Variants in MAOA observed in about 807,000 individuals in gnomAD.
MAOA encodes the protein amine oxidase [flavin-containing] A.
In MAOA, 6 loss-of-function variants were observed where a neutral mutation model predicts 42.0. That is an observed-to-expected ratio of 0.14 (90% CI 0.08 to 0.28). MAOA has a LOEUF of 0.28. Ranked by LOEUF, MAOA falls within the 10% of genes least tolerant of loss-of-function variation. MAOA has a pLI of 1.00. For synonymous variants in MAOA, 140 were observed against 154.0 expected (o/e 0.91, Z 0.67); for missense variants, 262 against 422.3 (o/e 0.62, Z 3.33).
chrX:43,730,814 C>T (rs1236394987), intron 6 of MAOA, among the ~76,000 whole-genome samples: 3 of 110,862 alleles, frequency 2.7e-5, no homozygotes, highest in Non-Finnish European at 5.7e-5. Context: ...CCTTACCTGC[C>T]TGGACAACCT....
intron 6 of MAOA, among the ~76,000 whole-genome samples, chrX:43,728,655 T>TAA (rs1443514107): frequency 8.9e-6 from 1 of 112,642 alleles, no homozygotes; most frequent in Non-Finnish European, 1.9e-5. Flanking sequence ...TTATTGTACT[T>TAA]AAAATCATCT....
In MAOA at chrX:43,678,739, G is replaced by A. The variant is rs779605464; in HGVS notation, c.74-4774G>A. Among the ~76,000 whole-genome samples, 188 of 111,710 alleles carry A rather than the reference G, an allele frequency of 1.7e-3. 2 individuals are homozygous for A. Among genetic ancestry groups the A allele is most frequent in the African/African-American group, 6.0e-3 (186 of 30,770 alleles). ...ATCTTAAAGTAGGAATAATTTTTAG[G>A]TTTTGCCATTCAAATCAGCAGATAG... On this transcript the variant is annotated intron_variant, in intron 1 of 14. Coordinates refer to ENST00000338702, the MANE Select transcript of MAOA (RefSeq NM_000240.4).
chrX:43,672,930 A>C (rs1224077458), intron 1 of MAOA, among the ~76,000 whole-genome samples: 1 of 111,306 alleles, frequency 9.0e-6, no homozygotes, highest in Non-Finnish European at 1.9e-5. Flanking sequence ...CCCGGCTTTG[A>C]TATCAGGATG....
chrX:43,656,499 G>A (rs1441143544), intron 1 of MAOA, 85 bp downstream of exon 1: 3 of 862,017 alleles, frequency 3.5e-6, no homozygotes, highest in East Asian at 6.3e-5. Context: ...GGTGTTTGGG[G>A]GTCTCTCATG....
Position 43,728,311 on chromosome X carries a change from C to G in MAOA, c.642C>G (p.Gly214=), listed in dbSNP as rs746443900. The G allele has an allele frequency of 3.3e-6, 4 of 1,209,272 alleles. No individual in the cohort carries two copies. The African/African-American group carries it at 7.0e-5, about 21-fold the overall frequency. ...GGATATTCTCTGTCACCAATGGTGG[C>G]CAGGTATGGTGTGTATGTGTCTGTT... ...TTRIFSVTNG[G]QERKFVGGSG... Residue 214 remains glycine, a synonymous_variant, in exon 6 of 15, where the codon GGC becomes GGG. Coordinates refer to ENST00000338702, the MANE Select transcript of MAOA (RefSeq NM_000240.4).
rs184996300 is a variant in MAOA at position 43,710,406 on chromosome X, C to T, written c.307-1466C>T. On this transcript the variant is annotated intron_variant, in intron 3 of 14. Coordinates refer to ENST00000338702, the MANE Select transcript of MAOA (RefSeq NM_000240.4). ...TGTCACTTAATGGCTGCCATATATT[C>T]TTACTCAGTTAGGAGGTGTGCTTAC... Among the ~76,000 whole-genome samples, 7 of 112,589 alleles carry T rather than the reference C, an allele frequency of 6.2e-5. No individual in the cohort carries two copies. In the East Asian group the frequency reaches 1.7e-3, roughly 27 times the overall value.
chrX:43,693,572 GTTTTCTTTTTTCT>G, intron 3 of MAOA, 144 bp downstream of exon 3: 3 of 655,327 alleles, frequency 4.6e-6, no homozygotes, highest in Admixed American at 6.3e-5. Context: ...TTCTTTTCTT[GTTTTCTTTTTTCT>G]TTTTCTTTTG....
chrX:43,669,489 A>C (rs748721447), intron 1 of MAOA, among the ~76,000 whole-genome samples: 56 of 111,408 alleles, frequency 5.0e-4, no homozygotes, highest in African/African-American at 1.8e-3. Flanking sequence ...TCTTTCATTC[A>C]TTTATTCATT....
At chrX:43,689,977 A>T (rs753208920) in intron 2 of MAOA, among the ~76,000 whole-genome samples, 4 of 109,519 alleles carry the variant, frequency 3.7e-5, no homozygotes, top group African/African-American at 1.3e-4. Flanking sequence ...CTAATTGTTG[A>T]TTTTTTTCAG....
intron 4 of MAOA, 24 bp downstream of exon 4, chrX:43,712,000 C>A: frequency 9.8e-7 from 1 of 1,022,628 alleles, no homozygotes; most frequent in Non-Finnish European, 1.4e-6. Flanking sequence ...TCAGTTTGCA[C>A]ATGACCCATT....
rs191209978 is a variant in MAOA, at chrX:43,688,650, G to T, written c.169-4641G>T. 1.6e-3 allele frequency among the ~76,000 whole-genome samples: 180 copies of T among 111,865 alleles called. 2 individuals carry two copies. The highest frequency in any genetic ancestry group is 5.8e-3 in the African/African-American group (178 of 30,801). Reference sequence around the variant, plus strand: ...AATATCCAAAGATCTTCTAATTTCTGCTTGAAAAGAACATGTAGTCTCTAA... The same window carrying T: ...AATATCCAAAGATCTTCTAATTTCTTCTTGAAAAGAACATGTAGTCTCTAA... On this transcript the variant is annotated intron_variant, in intron 2 of 14. Coordinates refer to ENST00000338702, the MANE Select transcript of MAOA (RefSeq NM_000240.4).
At chrX:43,694,490 A>G (rs1195724403) in intron 3 of MAOA, among the ~76,000 whole-genome samples, 1 of 111,943 alleles carries the variant, frequency 8.9e-6, no homozygotes, top group Non-Finnish European at 1.9e-5. Flanking sequence ...TTTTCTTTTT[A>G]CCTTTAAGCT....
intron 3 of MAOA, among the ~76,000 whole-genome samples, chrX:43,703,014 C>G (rs779312188): frequency 1.1e-4 from 12 of 110,396 alleles, no homozygotes; most frequent in Non-Finnish European, 1.9e-4. Flanking sequence ...GAGCATCCAC[C>G]AGTCGAGTAG....
intron 5 of MAOA, among the ~76,000 whole-genome samples, chrX:43,714,357 C>T (rs1201611104): frequency 2.7e-5 from 3 of 110,478 alleles, no homozygotes; most frequent in South Asian, 3.9e-4. Context: ...AGGTATGATC[C>T]ACAGGTTCAG....
In MAOA at chrX:43,718,794, C is replaced by T. The variant is rs137922293; in HGVS notation, c.503+5998C>T. Among the ~76,000 whole-genome samples, 214 of 110,746 alleles carry T rather than the reference C, an allele frequency of 1.9e-3. 1 individual carries two copies. Among genetic ancestry groups the T allele is most frequent in the Middle Eastern group, 0.014 (3 of 216 alleles). ...GATGGTACCGCCCAGGAATGGTCCA[C>T]AGGAGCTAGGGGATGCAGAGAACAT... On this transcript the variant is annotated intron_variant, in intron 5 of 14. Coordinates refer to ENST00000338702, the MANE Select transcript of MAOA (RefSeq NM_000240.4).
intron 10 of MAOA, 146 bp from the exon 11 acceptor site, chrX:43,740,535 G>T (rs1053144217): frequency 2.4e-6 from 1 of 413,984 alleles, no homozygotes; most frequent in African/African-American, 2.5e-5. Flanking sequence ...GTTCATTTGT[G>T]CAGTTACAGA....
intron 3 of MAOA, among the ~76,000 whole-genome samples, chrX:43,696,722 C>T (rs759478416): frequency 1.4e-3 from 140 of 100,958 alleles, no homozygotes; most frequent in African/African-American, 4.4e-3. Flanking sequence ...GGTGACAGAG[C>T]GAGACTCCGT....
intron 5 of MAOA, among the ~76,000 whole-genome samples, chrX:43,713,997 T>C (rs2147095133): frequency 9.1e-6 from 1 of 109,775 alleles, no homozygotes; most frequent in African/African-American, 3.3e-5. Flanking sequence ...ACAGGAAGGG[T>C]GGATGGTGTG....
intron 8 of MAOA, among the ~76,000 whole-genome samples, chrX:43,732,458 A>G (rs1174250973): frequency 3.6e-5 from 4 of 110,731 alleles, no homozygotes; most frequent in Non-Finnish European, 7.6e-5. Context: ...TTTGTCATGC[A>G]TTGGCTGGTC....
Sources: allele counts gnomAD v4.1 joint callset (sites outside exome capture counted in the v4.1 genomes callset), GRCh38; gene constraint gnomAD v4.1.1; transcripts MANE v1.5; gene names NCBI Gene and HGNC (gene_info 2026-07-23, HGNC 2026-07-21).